CSGALNACT1: variants seen among roughly 807,000 people sequenced by gnomAD.
CSGALNACT1 encodes the protein beta4GalNAcT-1.
Under a neutral mutation model 51.0 loss-of-function variants are expected in CSGALNACT1, and 52 were observed. The ratio of observed to expected loss-of-function variants is 1.02; its 90% CI spans 0.82 to 1.29. The LOEUF (loss-of-function observed/expected upper bound fraction) is 1.29. CSGALNACT1 is among the 50% of genes most tolerant of loss of function. CSGALNACT1 has a pLI of 0.00. For missense variants in CSGALNACT1, 935 were observed against 679.2 expected (o/e 1.38, Z -4.19); for synonymous variants, 341 against 254.4 (o/e 1.34, Z -3.24).
chr8:19,628,653 C>CT (rs374535722), intron 1 of CSGALNACT1, among the ~76,000 whole-genome samples: 4,760 of 146,576 alleles, frequency 0.032, 96 homozygotes, highest in African/African-American at 0.048. Flanking sequence ...AATCAATAGG[C>CT]TTTTTTTTTT....
chr8:19,443,517 G>A (rs1001008434), intron 5 of CSGALNACT1, among the ~76,000 whole-genome samples: 20 of 152,286 alleles, frequency 1.3e-4, no homozygotes, highest in African/African-American at 4.6e-4. Flanking sequence ...CATGGCAGAA[G>A]GCAAAGGAGG....
intron 4 of CSGALNACT1, among the ~76,000 whole-genome samples, chr8:19,473,055 C>G (rs1043293281): frequency 3.9e-5 from 6 of 152,144 alleles, no homozygotes; most frequent in African/African-American, 1.4e-4. Context: ...GGTCAGGACT[C>G]CATAGCAAGT....
At chr8:19,634,428 G>T (rs997720029) in intron 1 of CSGALNACT1, among the ~76,000 whole-genome samples, 1 of 151,918 alleles carries the variant, frequency 6.6e-6, no homozygotes, top group African/African-American at 2.4e-5. Flanking sequence ...GAGAGAGGCC[G>T]AGGCAAGAGG....
At chr8:19,445,302 T>A (rs2061938765) in intron 5 of CSGALNACT1, among the ~76,000 whole-genome samples, 1 of 152,224 alleles carries the variant, frequency 6.6e-6, no homozygotes, top group South Asian at 2.1e-4. Context: ...TTGAAATTTG[T>A]GCATGCAGTG....
chr8:19,662,002 C>T (rs1374560919), intron 1 of CSGALNACT1, among the ~76,000 whole-genome samples: 1 of 147,708 alleles, frequency 6.8e-6, no homozygotes, highest in East Asian at 2.0e-4. Context: ...GGGATAAGAG[C>T]TGAGGTATTT....
intron 4 of CSGALNACT1, among the ~76,000 whole-genome samples, chr8:19,495,941 G>A (rs1399133897): frequency 6.6e-6 from 1 of 152,174 alleles, no homozygotes; most frequent in Non-Finnish European, 1.5e-5. Context: ...CCTTCCTCCA[G>A]CTAACATAGG....
At chr8:19,546,865 C>G (rs140723903) in intron 3 of CSGALNACT1, among the ~76,000 whole-genome samples, 4 of 152,318 alleles carry the variant, frequency 2.6e-5, no homozygotes, top group African/African-American at 9.6e-5. Flanking sequence ...GTCCCCGGAT[C>G]AGTGTCACAT....
chr8:19,494,846 T>C (rs1229994486), intron 4 of CSGALNACT1, among the ~76,000 whole-genome samples: 1 of 132,320 alleles, frequency 7.6e-6, no homozygotes, highest in Non-Finnish European at 1.6e-5. Flanking sequence ...AGTCCATTTC[T>C]TCCCTCCACC....
At chr8:19,495,413 AT>A (rs561884776) in intron 4 of CSGALNACT1, among the ~76,000 whole-genome samples, 1 of 152,274 alleles carries the variant, frequency 6.6e-6, no homozygotes, top group East Asian at 1.9e-4. Flanking sequence ...TCTTTAACCC[AT>A]CGTATGCCTG....
chr8:19,706,361 A>T (rs1353141574), intron 1 of CSGALNACT1, among the ~76,000 whole-genome samples: 1 of 152,198 alleles, frequency 6.6e-6, no homozygotes, highest in East Asian at 1.9e-4. Flanking sequence ...TCCTCAAAGG[A>T]AGTGTTACTT....
intron 1 of CSGALNACT1, among the ~76,000 whole-genome samples, chr8:19,670,209 G>A (rs1025941787): frequency 3.3e-5 from 5 of 152,082 alleles, no homozygotes; most frequent in African/African-American, 1.2e-4. Context: ...GGAGAGTTCA[G>A]GGACTATTTT....
At chr8:19,536,372 T>C (rs935945260) in intron 3 of CSGALNACT1, among the ~76,000 whole-genome samples, 6 of 152,056 alleles carry the variant, frequency 3.9e-5, no homozygotes, top group Non-Finnish European at 7.4e-5. Context: ...TCTCCACACA[T>C]AGCAATCAAC....
chr8:19,604,308 G>A (rs1430257814), upstream of CSGALNACT1, among the ~76,000 whole-genome samples: 1 of 152,152 alleles, frequency 6.6e-6, no homozygotes, highest in African/African-American at 2.4e-5. Context: ...CGCTCTATAG[G>A]AAGAAAAGAG....
chr8:19,432,225 T>G (rs1410260752), intron 6 of CSGALNACT1, among the ~76,000 whole-genome samples: 1 of 152,204 alleles, frequency 6.6e-6, no homozygotes, highest in East Asian at 1.9e-4. Context: ...GGAATGGTTT[T>G]GCTGATAACA....
intron 4 of CSGALNACT1, among the ~76,000 whole-genome samples, chr8:19,468,002 A>G (rs375616122): frequency 6.6e-6 from 1 of 152,226 alleles, no homozygotes; most frequent in Admixed American, 6.5e-5. Context: ...TAAAAATAAA[A>G]AAGATGAACA....
intron 3 of CSGALNACT1, among the ~76,000 whole-genome samples, chr8:19,515,044 C>A (rs1157266621): frequency 6.6e-6 from 1 of 152,102 alleles, no homozygotes. Flanking sequence ...AGGGCTCTTG[C>A]CACAACTGAT....
intron 1 of CSGALNACT1, among the ~76,000 whole-genome samples, chr8:19,699,767 C>T (rs565910818): frequency 1.4e-4 from 21 of 152,268 alleles, no homozygotes; most frequent in African/African-American, 5.1e-4. Flanking sequence ...TACACTTAAA[C>T]ACTGTTAACA....
intron 1 of CSGALNACT1, among the ~76,000 whole-genome samples, chr8:19,680,917 A>G (rs150343803): frequency 6.6e-6 from 1 of 152,122 alleles, no homozygotes; most frequent in Non-Finnish European, 1.5e-5. Context: ...AGGTTTCTAC[A>G]TATGCCCCAT....
At chr8:19,410,120 A>T (rs972043923) in intron 8 of CSGALNACT1, among the ~76,000 whole-genome samples, 6 of 152,342 alleles carry the variant, frequency 3.9e-5, no homozygotes, top group Non-Finnish European at 7.3e-5. Flanking sequence ...TACATTCCAC[A>T]GGGAATGGGG....
Sources: allele counts gnomAD v4.1 joint callset (sites outside exome capture counted in the v4.1 genomes callset), GRCh38; gene constraint gnomAD v4.1.1; transcripts MANE v1.5; gene names NCBI Gene and HGNC (gene_info 2026-07-23, HGNC 2026-07-21).